ORC4: variants seen among roughly 807,000 people sequenced by gnomAD.
The protein encoded by ORC4 is origin recognition complex subunit 4.
A neutral mutation model predicts 63.9 loss-of-function variants in ORC4; 55 were observed. The ratio of observed to expected loss-of-function variants is 0.86; its 90% confidence interval spans 0.69 to 1.08. ORC4 has a LOEUF of 1.08. Ranked by LOEUF, ORC4 falls within the 50% of genes least tolerant of loss-of-function variation. The pLI is 0.00. For missense variants in ORC4, 511 were observed against 504.4 expected, an observed-to-expected ratio of 1.01 and a Z score of -0.13; for synonymous variants, 150 against 168.5, an observed-to-expected ratio of 0.89 and a Z score of 0.85.
chr2:148,006,071 A>T (rs868323711), intron 1 of ORC4, among the ~76,000 whole-genome samples: 3 of 152,204 alleles, frequency 2.0e-5, no homozygotes, highest in Non-Finnish European at 2.9e-5. Context: ...TATCAAGGAA[A>T]GAAGCATCGA....
At chr2:147,989,912 A>G (rs1691479624) in intron 1 of ORC4, among the ~76,000 whole-genome samples, 1 of 152,154 alleles carries the variant, frequency 6.6e-6, no homozygotes, top group Admixed American at 6.6e-5. Flanking sequence ...TACACAAATG[A>G]TCATGTATTA....
At chr2:147,999,929 A>C (rs769019855) in intron 1 of ORC4, among the ~76,000 whole-genome samples, 1 of 152,056 alleles carries the variant, frequency 6.6e-6, no homozygotes, top group Non-Finnish European at 1.5e-5. Flanking sequence ...TTAATTCATA[A>C]AAAGAAAACA....
intron 4 of ORC4, among the ~76,000 whole-genome samples, chr2:147,969,594 A>T (rs1465177907): frequency 2.0e-5 from 3 of 152,012 alleles, no homozygotes; most frequent in Non-Finnish European, 4.4e-5. Flanking sequence ...AAAGAAAATC[A>T]CATTGGCCAT....
intron 1 of ORC4, among the ~76,000 whole-genome samples, chr2:148,015,158 T>A (rs1573906454): frequency 1.4e-5 from 2 of 145,608 alleles, no homozygotes; most frequent in African/African-American, 2.5e-5. Flanking sequence ...AAGATTAGAG[T>A]GAAACAGCAG....
rs746381356 is a variant in ORC4 at position 147,938,293 on chromosome 2, C to T, written c.1054+5G>A. 3 of 1,597,610 alleles carry T rather than the reference C, an allele frequency of 1.9e-6. No homozygotes were observed. The highest frequency in any genetic ancestry group is 1.7e-5 in the Admixed American group (1 of 59,956). ...CAGAAAAAAGCTACTTAAGTCTCAT[C>T]TCACCATTATAGACCATTTGAAAAT... On this transcript the variant is annotated splice_donor_5th_base_variant and intron_variant, in intron 12 of 13. Transcript: ENST00000392857.
chr2:147,939,213 T>C lies in ORC4; in HGVS notation c.885A>G (p.Pro295=), dbSNP rs900262542. The change falls in exon 11 of 14, where the codon CCA becomes CCG. Residue 295 remains proline, a synonymous_variant. Transcript: ENST00000392857. ...CCATTAGATCTACGGCAGTCATAAA[T>C]GGGTGCGATGCTGTTACTCGATTTA... is the stretch of plus-strand genomic sequence containing the variant. ...LALNRVTASH[P]FMTAVDLMEA... The C allele has an allele frequency of 3.7e-6, 6 of 1,612,782 alleles. No individual in the cohort carries two copies. The South Asian group carries it at 4.4e-5, about 12-fold the overall frequency.
intron 1 of ORC4, among the ~76,000 whole-genome samples, chr2:147,984,604 AG>A (rs1691085270): frequency 6.6e-6 from 1 of 152,168 alleles, no homozygotes; most frequent in Non-Finnish European, 1.5e-5. Flanking sequence ...TCATTACTGC[AG>A]TTCCAGAGCA....
chr2:148,005,823 A>C (rs1692594340), intron 1 of ORC4, among the ~76,000 whole-genome samples: 1 of 152,092 alleles, frequency 6.6e-6, no homozygotes, highest in African/African-American at 2.4e-5. Context: ...AAAATATGAA[A>C]AAATTAGCTG....
chr2:147,933,936 A>G lies in ORC4; in HGVS notation c.*1574T>C, dbSNP rs572692696. On this transcript the variant is annotated 3_prime_UTR_variant, in exon 14 of 14. Transcript: ENST00000392857. ...AAGGAAAGGCTATGTATGCAAAAGA[A>G]TAGGTTGTAACTACTGAAGAGCTAC... 1.6e-4 allele frequency: 25 copies of G among 152,300 alleles called. No individual in the cohort carries two copies. Among genetic ancestry groups the G allele is most frequent in the Middle Eastern group, 3.4e-3 (1 of 294 alleles). The allele number at this position is 152,300 out of a possible 1,614,324, so 9.4% of individuals were successfully genotyped here.
chr2:147,974,371 C>T (rs1573822372), intron 2 of ORC4, among the ~76,000 whole-genome samples: 2 of 152,110 alleles, frequency 1.3e-5, no homozygotes, highest in South Asian at 2.1e-4. Flanking sequence ...CTGTGGCTCA[C>T]GTCTGTAATC....
intron 11 of ORC4, among the ~76,000 whole-genome samples, chr2:147,938,933 T>C (rs970622069): frequency 6.6e-6 from 1 of 152,184 alleles, no homozygotes; most frequent in Non-Finnish European, 1.5e-5. Flanking sequence ...GGATTTCCAA[T>C]GTGGCAAAAG....
chr2:147,954,269 C>G (rs540663059), intron 7 of ORC4, among the ~76,000 whole-genome samples: 1 of 151,992 alleles, frequency 6.6e-6, no homozygotes, highest in African/African-American at 2.4e-5. Context: ...GGTCAAAGAC[C>G]CAACAGGAAA....
At chr2:147,998,615 C>G (rs977290235) in intron 1 of ORC4, among the ~76,000 whole-genome samples, 1 of 152,184 alleles carries the variant, frequency 6.6e-6, no homozygotes, top group Non-Finnish European at 1.5e-5. Context: ...CAGGTCTATG[C>G]TCTTGAACTT....
rs1428497498 is a variant in ORC4 at position 147,935,360 on chromosome 2, G to T, written c.*150C>A. The T allele has an allele frequency of 1.5e-6, 1 of 658,014 alleles. No individual in the cohort carries two copies. Among genetic ancestry groups the T allele is most frequent in the Admixed American group, 2.3e-5 (1 of 44,214 alleles). The allele number at this position is 658,014 out of a possible 1,614,324, so 40.8% of individuals were successfully genotyped here. A position where few individuals can be genotyped will look rare whatever the true frequency, so the allele number is the denominator to read the frequency against. On this transcript the variant is annotated 3_prime_UTR_variant, in exon 14 of 14. Coordinates refer to ENST00000392857, the MANE Select transcript of ORC4 (RefSeq NM_181741.4). Reference sequence around the variant, plus strand: ...TCATGTAACTGTTCATGATTAAAAGGCAAGACACAGCCAAGACAGTAGATG... The same window carrying T: ...TCATGTAACTGTTCATGATTAAAAGTCAAGACACAGCCAAGACAGTAGATG...
intron 1 of ORC4, among the ~76,000 whole-genome samples, chr2:147,992,851 C>T (rs1310398193): frequency 6.6e-6 from 1 of 152,138 alleles, no homozygotes; most frequent in Non-Finnish European, 1.5e-5. Context: ...TCCACAGAAA[C>T]CAGAACTCCC....
At chr2:148,004,141 G>A (rs917717536) in intron 1 of ORC4, among the ~76,000 whole-genome samples, 19 of 152,028 alleles carry the variant, frequency 1.2e-4, no homozygotes, top group Non-Finnish European at 1.9e-4. Flanking sequence ...CATTCCATGC[G>A]CATGGATAGG....
At chr2:147,992,912 G>A (rs993028059) in intron 1 of ORC4, among the ~76,000 whole-genome samples, 1 of 152,060 alleles carries the variant, frequency 6.6e-6, no homozygotes, top group East Asian at 1.9e-4. Flanking sequence ...AATGTTCCCT[G>A]CCCTCATCTT....
At chr2:148,004,207 G>GGTAT (rs1692482030) in intron 1 of ORC4, among the ~76,000 whole-genome samples, 1 of 152,088 alleles carries the variant, frequency 6.6e-6, no homozygotes, top group Non-Finnish European at 1.5e-5. Flanking sequence ...TAGATTCAAT[G>GGTAT]CTAAACCCAT....
intron 10 of ORC4, among the ~76,000 whole-genome samples, chr2:147,939,718 A>C (rs560593725): frequency 6.6e-6 from 1 of 152,244 alleles, no homozygotes; most frequent in South Asian, 2.1e-4. Flanking sequence ...AAGAAAAGAA[A>C]ATAGCACATT....
Sources: gnomAD v4.1 joint callset for allele counts (sites outside exome capture counted in the v4.1 genomes callset) on GRCh38, gnomAD v4.1.1 for gene constraint, MANE v1.5 for transcripts, NCBI Gene and HGNC (gene_info 2026-07-23, HGNC 2026-07-21) for gene names.